Variants in PDZRN3 observed in about 807,000 individuals in gnomAD.
The protein encoded by PDZRN3 is E3 ubiquitin-protein ligase PDZRN3.
In PDZRN3, 38 loss-of-function variants were observed where a neutral mutation model predicts 85.7. The ratio of observed to expected loss-of-function variants is 0.44; its 90% CI spans 0.34 to 0.58. PDZRN3 has a LOEUF of 0.58. PDZRN3 is among the 20% of genes least tolerant of loss of function. The probability of loss-of-function intolerance (pLI) is 0.01; values close to 1 mark genes in which losing one functional copy is unlikely to be tolerated. For synonymous variants in PDZRN3, 759 were observed against 638.0 expected (o/e 1.19, Z -2.86); for missense variants, 1,629 against 1,506.4 (o/e 1.08, Z -1.35).
chr3:73,423,766 C>A (rs1702249972), intron 3 of PDZRN3, among the ~76,000 whole-genome samples: 1 of 152,108 alleles, frequency 6.6e-6, no homozygotes, highest in African/African-American at 2.4e-5. Context: ...ATTAGTATTT[C>A]TGATTTACTT....
At chr3:73,606,077 A>G (rs892348501) in intron 2 of PDZRN3, among the ~76,000 whole-genome samples, 1 of 152,220 alleles carries the variant, frequency 6.6e-6, no homozygotes, top group Non-Finnish European at 1.5e-5. Flanking sequence ...TTTCCCAACA[A>G]TCACTTGGCC....
intron 3 of PDZRN3, among the ~76,000 whole-genome samples, chr3:73,516,222 C>T (rs1300893365): frequency 1.3e-5 from 2 of 152,192 alleles, no homozygotes; most frequent in African/African-American, 2.4e-5. Flanking sequence ...CATATCTTGG[C>T]ACACTCTTTT....
chr3:73,593,721 C>T lies in PDZRN3; in HGVS notation c.918+8633G>A, dbSNP rs906503773. Among the ~76,000 whole-genome samples the T allele has an allele frequency of 1.2e-4, 18 of 147,840 alleles. 1 individual carries two copies. The highest frequency in any genetic ancestry group is 1.1e-3 in the South Asian group (5 of 4,732). ...ACCGAAATAAATATACACACACACA[C>T]ACACACACACACACACACACACACA... On this transcript the variant is annotated intron_variant, in intron 3 of 9. Coordinates refer to ENST00000263666, the MANE Select transcript of PDZRN3 (RefSeq NM_015009.3).
intron 3 of PDZRN3, among the ~76,000 whole-genome samples, chr3:73,435,103 G>A (rs1343275606): frequency 2.0e-5 from 3 of 152,200 alleles, no homozygotes; most frequent in African/African-American, 7.2e-5. Context: ...GTGCCATGGG[G>A]CCTGAAGAAT....
At chr3:73,399,097 C>T (rs1423118367) in intron 5 of PDZRN3, among the ~76,000 whole-genome samples, 8 of 152,092 alleles carry the variant, frequency 5.3e-5, no homozygotes, top group Admixed American at 3.9e-4. Flanking sequence ...CTGTAGGTTC[C>T]ATCAGATTCT....
intron 3 of PDZRN3, among the ~76,000 whole-genome samples, chr3:73,519,961 T>A (rs1012079576): frequency 2.0e-5 from 3 of 152,148 alleles, no homozygotes; most frequent in African/African-American, 7.2e-5. Context: ...GAGGTGTTAT[T>A]CACATAGACT....
chr3:73,529,193 A>G (rs995324090), intron 3 of PDZRN3, among the ~76,000 whole-genome samples: 13 of 152,220 alleles, frequency 8.5e-5, no homozygotes, highest in African/African-American at 2.9e-4. Flanking sequence ...TTTGTTGATT[A>G]TCTTCTAAAC....
chr3:73,564,846 T>C lies in PDZRN3; in HGVS notation c.918+37508A>G, dbSNP rs75731603. Among the ~76,000 whole-genome samples, 815 of 152,270 alleles carry C rather than the reference T, an allele frequency of 5.4e-3. 7 individuals carry two copies. Among genetic ancestry groups the C allele is most frequent in the African/African-American group, 0.019 (787 of 41,548 alleles). On this transcript the variant is annotated intron_variant, in intron 3 of 9. Coordinates refer to ENST00000263666, the MANE Select transcript of PDZRN3 (RefSeq NM_015009.3). Reference sequence around the variant, plus strand: ...CTTCATCTGTCAAATGGGGCAATAATATAATTATTGTGTTACAGCTAATAG... The same window carrying C: ...CTTCATCTGTCAAATGGGGCAATAACATAATTATTGTGTTACAGCTAATAG...
chr3:73,612,766 T>C (rs1317411875), intron 1 of PDZRN3, among the ~76,000 whole-genome samples: 1 of 152,202 alleles, frequency 6.6e-6, no homozygotes, highest in Non-Finnish European at 1.5e-5. Flanking sequence ...TCAGAACCTG[T>C]GATGTTTCCT....
chr3:73,484,560 C>G (rs1157666506), intron 3 of PDZRN3, among the ~76,000 whole-genome samples: 1 of 152,166 alleles, frequency 6.6e-6, no homozygotes, highest in African/African-American at 2.4e-5. Flanking sequence ...TAAACTATAG[C>G]ACAGATAGTA....
At chr3:73,464,608 G>T (rs1460619458) in intron 3 of PDZRN3, among the ~76,000 whole-genome samples, 3 of 151,816 alleles carry the variant, frequency 2.0e-5, no homozygotes, top group African/African-American at 7.3e-5. Context: ...ATATTGGCTA[G>T]AATCCCCAGT....
At chr3:73,401,482 A>T (rs571002862) in intron 4 of PDZRN3, among the ~76,000 whole-genome samples, 1 of 152,324 alleles carries the variant, frequency 6.6e-6, no homozygotes, top group African/African-American at 2.4e-5. Flanking sequence ...GCTGTTACCT[A>T]GGACCGTGTC....
intron 3 of PDZRN3, among the ~76,000 whole-genome samples, chr3:73,519,953 G>A (rs1448619322): frequency 6.6e-6 from 1 of 152,152 alleles, no homozygotes; most frequent in Non-Finnish European, 1.5e-5. Context: ...AGCTGTAGGA[G>A]GTGTTATTCA....
chr3:73,491,886 C>T (rs1703777503), intron 3 of PDZRN3, among the ~76,000 whole-genome samples: 3 of 152,018 alleles, frequency 2.0e-5, no homozygotes, highest in East Asian at 1.9e-4. Flanking sequence ...CAGGCATGAG[C>T]GACCATGAAG....
rs1553704234 is a variant in PDZRN3 at position 73,574,457 on chromosome 3, T to TTGGG, written c.918+27896_918+27897insCCCA. ...AAGAAGCACTTTTTTTTGGCTGGGG[T>TTGGG]GGGGGGGGTGGGGAGGGCGGAAATG... On this transcript the variant is annotated intron_variant, in intron 3 of 9. Transcript: ENST00000263666. 1.1e-4 allele frequency among the ~76,000 whole-genome samples: 13 copies of TTGGG among 120,910 alleles called. 1 individual carries two copies. The highest frequency in any genetic ancestry group is 4.3e-3 in the Middle Eastern group (1 of 232). 79.3% of individuals were successfully genotyped at this position (120,910 alleles called of 152,430 possible).
chr3:73,582,856 A>G lies in PDZRN3; in HGVS notation c.918+19498T>C, dbSNP rs532744765. Among the ~76,000 whole-genome samples, 316 of 152,204 alleles carry G rather than the reference A, an allele frequency of 2.1e-3. 2 individuals carry two copies. Among genetic ancestry groups the G allele is most frequent in the Non-Finnish European group, 3.5e-3 (238 of 68,042 alleles). ...ACATTAGGAAACAGCCCATTCCTCCAATAGACACAGATATAACTCACGGGT... is the reference window on the plus strand; with the variant it reads ...ACATTAGGAAACAGCCCATTCCTCCGATAGACACAGATATAACTCACGGGT... On this transcript the variant is annotated intron_variant, in intron 3 of 9. Transcript: ENST00000263666.
chr3:73,511,692 A>G (rs903450240), intron 3 of PDZRN3, among the ~76,000 whole-genome samples: 2 of 152,186 alleles, frequency 1.3e-5, no homozygotes, highest in Admixed American at 1.3e-4. Flanking sequence ...CATGTTGTAA[A>G]AAGCAGTTCT....
intron 3 of PDZRN3, among the ~76,000 whole-genome samples, chr3:73,532,473 G>A (rs186433571): frequency 4.0e-4 from 61 of 152,290 alleles, no homozygotes; most frequent in East Asian, 3.1e-3. Context: ...GGCACCTATC[G>A]TGCGCCAGGC....
At chr3:73,439,418 T>G (rs899848521) in intron 3 of PDZRN3, among the ~76,000 whole-genome samples, 1 of 152,328 alleles carries the variant, frequency 6.6e-6, no homozygotes, top group South Asian at 2.1e-4. Context: ...CCCTGTATAC[T>G]ATGCATGGCT....
Sources: allele counts gnomAD v4.1 joint callset (sites outside exome capture counted in the v4.1 genomes callset), GRCh38; gene constraint gnomAD v4.1.1; transcripts MANE v1.5; gene names NCBI Gene and HGNC (gene_info 2026-07-23, HGNC 2026-07-21).